PNLDC1: variants seen among roughly 807,000 people sequenced by gnomAD.
PNLDC1 encodes the protein PARN like ribonuclease domain containing exonuclease 1.
A neutral mutation model predicts 82.0 loss-of-function variants in PNLDC1; 70 were observed. The observed-to-expected ratio is 0.85, with a 90% CI of 0.70 to 1.04. The LOEUF (loss-of-function observed/expected upper bound fraction) is 1.04, where lower values mean the gene tolerates loss of function less well. Among genes scored for constraint, PNLDC1 ranks in the 50% least tolerant of loss-of-function variants. The pLI is 0.00. For missense variants in PNLDC1, 631 were observed against 661.1 expected, an observed-to-expected ratio of 0.95 and a Z score of 0.50; for synonymous variants, 280 against 249.3, an observed-to-expected ratio of 1.12 and a Z score of -1.16.
At chr6:159,817,027 T>C (rs1294971829) in intron 14 of PNLDC1, 82 bp from the exon 15 acceptor site, 2 of 1,355,606 alleles carry the variant, frequency 1.5e-6, no homozygotes, top group African/African-American at 2.9e-5. Flanking sequence ...TTATTTCAGA[T>C]TGGCTTGCAC....
rs755657453 is a variant in PNLDC1, at chr6:159,819,282, G to A, written c.1462G>A (p.Asp488Asn). 2 of 1,613,908 alleles carry A rather than the reference G, an allele frequency of 1.2e-6. No homozygotes were observed. The highest frequency in any genetic ancestry group is 2.2e-5 in the East Asian group (1 of 44,864). The change falls in exon 18 of 19, where the codon GAC becomes AAC. Residue 488 changes from aspartate (D) to asparagine (N), a missense_variant. By Grantham distance (23) the Asp-to-Asn change is conservative. Coordinates refer to ENST00000392167, the MANE Select transcript of PNLDC1 (RefSeq NM_001271862.2). This position sits in a 1 kb window ranked among gnomAD's most constrained non-coding sequence, Gnocchi z 4.6. ...DARNILKEYR[D>N]HPTLCISLYR... ...GCGGAACATCCTGAAGGAGTACCGG[G>A]ACCACCCGACCCTGTGCATCTCCCT...
intron 15 of PNLDC1, among the ~76,000 whole-genome samples, chr6:159,817,990 T>C (rs2115061361): frequency 6.6e-6 from 1 of 152,358 alleles, no homozygotes. Flanking sequence ...ACGTGTGTGC[T>C]GGACAGTGAA....
chr6:159,815,667 A>T (rs1250304863), intron 12 of PNLDC1, among the ~76,000 whole-genome samples: 1 of 152,120 alleles, frequency 6.6e-6, no homozygotes, highest in South Asian at 2.1e-4. Context: ...TAGTCGCTAG[A>T]CAGGCCACTA....
At chr6:159,807,369 G>A (rs1781485789) in intron 7 of PNLDC1, among the ~76,000 whole-genome samples, 1 of 150,800 alleles carries the variant, frequency 6.6e-6, no homozygotes, top group Non-Finnish European at 1.5e-5. Context: ...ACTCCAGCCT[G>A]AGCAACACAA....
chr6:159,817,128 C>G lies in PNLDC1; in HGVS notation c.1134C>G (p.His378Gln). 6.2e-7 allele frequency: 1 copy of G among 1,612,482 alleles called. No homozygotes were observed. Among genetic ancestry groups the G allele is most frequent in the Non-Finnish European group, 8.5e-7 (1 of 1,178,736 alleles). ...TCCTAGTTCTTTTGAAAGTGGCACA[C>G]TTGCTTCTACAGAAGATATACCAGT... ...LCGSVLLKVA[H>Q]LLLQKIYHID... The change falls in exon 15 of 19, where the codon CAC (histidine) becomes CAG (glutamine). Residue 378 changes from histidine to glutamine, a missense_variant. Physicochemically the swap from His to Gln is conservative, Grantham distance 24. Transcript: ENST00000392167.
At chr6:159,809,861 G>A (rs959435962) in intron 9 of PNLDC1, among the ~76,000 whole-genome samples, 165 bp from the exon 10 acceptor site, 8 of 152,122 alleles carry the variant, frequency 5.3e-5, no homozygotes, top group Non-Finnish European at 1.2e-4. Flanking sequence ...GCATTTAAGC[G>A]GTTGAACTAC....
chr6:159,818,685 C>T, intron 16 of PNLDC1, 31 bp downstream of exon 16: 1 of 1,586,066 alleles, frequency 6.3e-7, no homozygotes, highest in Non-Finnish European at 8.7e-7. Flanking sequence ...CCCCTCGCCC[C>T]ATTCAGAGTT....
chr6:159,811,456 T>C (rs924972626), intron 10 of PNLDC1, among the ~76,000 whole-genome samples: 6 of 152,236 alleles, frequency 3.9e-5, no homozygotes, highest in African/African-American at 7.2e-5. Context: ...TTAACTACGG[T>C]TGGCAATAGA....
chr6:159,816,742 C>T (rs1008230636), intron 14 of PNLDC1, 146 bp downstream of exon 14: 101 of 728,356 alleles, frequency 1.4e-4, no homozygotes, highest in Non-Finnish European at 9.3e-6. Context: ...AGGTGATCCT[C>T]CCACCTCAGC....
At position 159,806,098 on chromosome 6, in the gene PNLDC1, T is replaced by C. The variant is rs774982463; in HGVS notation, c.562+15T>C. On this transcript the variant is annotated intron_variant, in intron 7 of 18. Transcript: ENST00000392167. Reference sequence around the variant, plus strand: ...TGGGATCACTGGTAGGCAGGGCCTGTTCCTCCCAACGCAGGAGCATTGGGA... The same window carrying C: ...TGGGATCACTGGTAGGCAGGGCCTGCTCCTCCCAACGCAGGAGCATTGGGA... The C allele has an allele frequency of 1.3e-6, 2 of 1,599,662 alleles. No individual in the cohort carries two copies. Among genetic ancestry groups the C allele is most frequent in the Non-Finnish European group, 1.7e-6 (2 of 1,166,960 alleles).
intron 6 of PNLDC1, among the ~76,000 whole-genome samples, chr6:159,805,244 G>C (rs530542747): frequency 6.6e-6 from 1 of 152,322 alleles, no homozygotes; most frequent in Admixed American, 6.5e-5. Context: ...GAGAGCAACA[G>C]CATTGTGGGT....
intron 15 of PNLDC1, among the ~76,000 whole-genome samples, chr6:159,817,800 T>C (rs1781887012): frequency 6.6e-6 from 1 of 152,266 alleles, no homozygotes; most frequent in Admixed American, 6.5e-5. Flanking sequence ...GGGATTGATG[T>C]AGAAATATCT....
In PNLDC1 at chr6:159,803,196, A is replaced by C. The variant is rs933086407; in HGVS notation, c.209-75A>C. ...ATCTGTGGGCGCAAAGTACTGTTTG[A>C]GTTGTTTTTGTCTTTGTAGTGAAAT... On this transcript the variant is annotated intron_variant, in intron 3 of 18. Transcript: ENST00000392167. 6 of 1,398,536 alleles carry C rather than the reference A, an allele frequency of 4.3e-6. No individual in the cohort carries two copies. In the African/African-American group the frequency reaches 7.1e-5, roughly 17 times the overall value. The allele number at this position is 1,398,536 out of a possible 1,614,324, so 86.6% of individuals were successfully genotyped here.
intron 1 of PNLDC1, 184 bp from the exon 2 acceptor site, chr6:159,800,588 G>C (rs956242409): frequency 5.3e-6 from 8 of 1,499,488 alleles, no homozygotes; most frequent in Non-Finnish European, 7.3e-6. Context: ...GTTGGCCAGA[G>C]CCCCGTGCGC....
intron 8 of PNLDC1, 66 bp downstream of exon 8, chr6:159,808,882 T>C: frequency 6.3e-7 from 1 of 1,599,826 alleles, no homozygotes; most frequent in Non-Finnish European, 8.6e-7. Context: ...TGGCCAAATC[T>C]GGCCTCTGAA....
At chr6:159,816,673 C>T (rs947862519) in intron 14 of PNLDC1, 77 bp downstream of exon 14, 2 of 1,316,382 alleles carry the variant, frequency 1.5e-6, no homozygotes, top group Non-Finnish European at 2.2e-6. Context: ...ACTCTGTTGC[C>T]CAGGCTAGAG....
intron 6 of PNLDC1, 131 bp downstream of exon 6, chr6:159,804,768 T>A: frequency 1.6e-6 from 1 of 640,326 alleles, no homozygotes; most frequent in Non-Finnish European, 2.7e-6. Context: ...TTCAGCTGCC[T>A]GTGCAGCTGG....
intron 11 of PNLDC1, among the ~76,000 whole-genome samples, chr6:159,812,095 T>C (rs1422048358): frequency 6.6e-6 from 1 of 152,016 alleles, no homozygotes; most frequent in Admixed American, 6.6e-5. Flanking sequence ...AAAGACGGGG[T>C]TTCACCATGT....
intron 7 of PNLDC1, among the ~76,000 whole-genome samples, chr6:159,808,473 G>A (rs922977650): frequency 6.7e-6 from 1 of 149,276 alleles, no homozygotes; most frequent in Non-Finnish European, 1.5e-5. Flanking sequence ...ATCAATAGCT[G>A]TAACTCACAT....
Sources: gnomAD v4.1 joint callset for allele counts (sites outside exome capture counted in the v4.1 genomes callset) on GRCh38, gnomAD v4.1.1 for gene constraint, Gnocchi (gnomAD v3.1) non-coding constraint, MANE v1.5 for transcripts, NCBI Gene and HGNC (gene_info 2026-07-23, HGNC 2026-07-21) for gene names.